The following CCDC157 variants were observed in gnomAD, a reference collection of about 807,000 sequenced individuals.
CCDC157 encodes coiled-coil domain containing 157.
In CCDC157, 60 loss-of-function variants were observed where a neutral mutation model predicts 70.9. The observed-to-expected ratio is 0.85, with a 90% CI of 0.69 to 1.05. CCDC157 has a LOEUF of 1.05. Ranked by LOEUF, CCDC157 falls within the 50% of genes least tolerant of loss-of-function variation. The pLI is 0.00. For synonymous variants in CCDC157, 373 were observed against 422.4 expected (o/e 0.88, Z 1.43); for missense variants, 943 against 984.2 (o/e 0.96, Z 0.56).
At chr22:30,375,032 C>T (rs1428670962) in intron 9 of CCDC157, 1 of 321,562 alleles carries the variant, frequency 3.1e-6, no homozygotes, top group Non-Finnish European at 6.0e-6. Flanking sequence ...AATCTCTGCT[C>T]ACTGCAACCT....
In CCDC157 at chr22:30,365,910, G is replaced by A. The variant is rs1932690147; in HGVS notation, c.-11-80G>A. 3.0e-6 allele frequency: 4 copies of A among 1,344,904 alleles called. No individual in the cohort carries two copies. In the South Asian group the frequency reaches 4.1e-5, roughly 14 times the overall value. 83.3% of individuals were successfully genotyped at this position (1,344,904 alleles called of 1,614,324 possible). A position where few individuals can be genotyped will look rare whatever the true frequency, so the allele number is the denominator to read the frequency against. On this transcript the variant is annotated intron_variant, in intron 2 of 11. Transcript: ENST00000338306. Reference sequence around the variant, plus strand: ...GAACTTCCGGCCTAGCAGCTCCTGGGCAGATGAGGGTTTCAGGGAGTTTCC... The same window carrying A: ...GAACTTCCGGCCTAGCAGCTCCTGGACAGATGAGGGTTTCAGGGAGTTTCC...
chr22:30,363,265 G>A (rs189361513), intron 2 of CCDC157, among the ~76,000 whole-genome samples: 51 of 152,302 alleles, frequency 3.3e-4, no homozygotes, highest in Admixed American at 2.7e-3. Flanking sequence ...GTCCACAGGC[G>A]GCAGAAGATG....
At chr22:30,356,685 C>T (rs759503027), upstream of CCDC157, 16 of 1,400,760 alleles carry the variant, frequency 1.1e-5, no homozygotes, top group African/African-American at 4.5e-5. Flanking sequence ...AAGGAGCGCC[C>T]AGGCCAACCC....
rs1035150034 is a variant in CCDC157 at position 30,373,391 on chromosome 22, G to C, written c.1336-206G>C. On this transcript the variant is annotated intron_variant, in intron 7 of 11. Coordinates refer to ENST00000338306, the MANE Select transcript of CCDC157 (RefSeq NM_001017437.5). ...GTCTTCAAGCTGGGATCCTGGCCTT[G>C]ACCAGGTCCGGTGTGCATCTGCCTG... 16 of 589,012 alleles carry C rather than the reference G, an allele frequency of 2.7e-5. No individual in the cohort carries two copies. The Admixed American group carries it at 5.1e-4, about 19-fold the overall frequency. The allele number at this position is 589,012 out of a possible 1,614,324, so 36.5% of individuals were successfully genotyped here. A position where few individuals can be genotyped will look rare whatever the true frequency, so the allele number is the denominator to read the frequency against.
chr22:30,371,728 G>A lies in CCDC157; in HGVS notation c.1123+1G>A, dbSNP rs780105129. ...CAGCGGGAGTCCACACAGGCTGTGG[G>A]TAAGGAGCCCCATCATAGGCCCCCA... On this transcript the variant is annotated splice_donor_variant, in intron 6 of 11. Coordinates refer to ENST00000338306, the MANE Select transcript of CCDC157 (RefSeq NM_001017437.5). LOFTEE classifies it high-confidence loss of function. The A allele has an allele frequency of 6.2e-6, 10 of 1,613,026 alleles. No homozygotes were observed. The South Asian group carries it at 1.1e-4, about 18-fold the overall frequency.
rs747510793 is a variant in CCDC157 at position 30,369,427 on chromosome 22, C to G, written c.249-5C>G. On this transcript the variant is annotated splice_region_variant and splice_polypyrimidine_tract_variant and intron_variant, in intron 3 of 11. Transcript: ENST00000338306. ...GCCCCAGCAACCTAGCATCTCTGCC[C>G]GCAGGCTCCTGCTGCTGCTTCAAAG... 3 of 1,504,788 alleles carry G rather than the reference C, an allele frequency of 2.0e-6. No homozygotes were observed. Among genetic ancestry groups the G allele is most frequent in the Non-Finnish European group, 2.7e-6 (3 of 1,120,092 alleles). The allele number at this position is 1,504,788 out of a possible 1,614,324, so 93.2% of individuals were successfully genotyped here.
intron 2 of CCDC157, among the ~76,000 whole-genome samples, chr22:30,363,336 G>C (rs1932481885): frequency 6.6e-6 from 1 of 152,200 alleles, no homozygotes; most frequent in Admixed American, 6.5e-5. Flanking sequence ...CCAGGCCCCA[G>C]CACAAGACAA....
chr22:30,376,131 T>C lies in CCDC157; in HGVS notation c.1858-128T>C, dbSNP rs1341904272. ...TGGAAGGCTTCCTAGGCCCTGCCCC[T>C]AGGTGAAAGGGCCCATGGATATGCG... On this transcript the variant is annotated intron_variant, in intron 10 of 11. Coordinates refer to ENST00000338306, the MANE Select transcript of CCDC157 (RefSeq NM_001017437.5). 5.2e-6 allele frequency: 4 copies of C among 776,138 alleles called. No homozygotes were observed. In the East Asian group the frequency reaches 7.8e-5, roughly 15 times the overall value. The allele number at this position is 776,138 out of a possible 1,614,324, so 48.1% of individuals were successfully genotyped here. A position where few individuals can be genotyped will look rare whatever the true frequency, so the allele number is the denominator to read the frequency against.
upstream of CCDC157, chr22:30,356,797 G>A (rs1187959549): frequency 7.9e-6 from 11 of 1,398,264 alleles, no homozygotes; most frequent in Non-Finnish European, 1.0e-5. Context: ...CGGCATGACT[G>A]CGACGCTCAG....
chr22:30,376,750 T>C lies in CCDC157; in HGVS notation c.*5T>C. 6.2e-7 allele frequency: 1 copy of C among 1,609,162 alleles called. No homozygotes were observed. Among genetic ancestry groups the C allele is most frequent in the Non-Finnish European group, 8.5e-7 (1 of 1,177,202 alleles). The stretch of plus-strand genomic sequence containing the variant: ...CCCCAGGAGCGGCCCATGTAGCCTG[T>C]GGCCCAGGGCTGAGGCTGGATGGGA... On this transcript the variant is annotated 3_prime_UTR_variant, in exon 12 of 12. Transcript: ENST00000338306.
intron 9 of CCDC157, chr22:30,374,696 T>C (rs1465070419): frequency 2.2e-6 from 1 of 456,714 alleles, no homozygotes; most frequent in South Asian, 1.5e-5. Flanking sequence ...TCAACCACCT[T>C]GTGAGGCAGG....
At chr22:30,368,848 T>G (rs1240801147) in intron 3 of CCDC157, 1 of 152,278 alleles carries the variant, frequency 6.6e-6, no homozygotes, top group Non-Finnish European at 1.5e-5. Context: ...ATACTCCTTT[T>G]TCTTACAATT....
At position 30,362,062 on chromosome 22, in the gene CCDC157, A is replaced by G. The variant is rs897174359; in HGVS notation, c.-64A>G. 6.6e-6 allele frequency: 1 copy of G among 152,448 alleles called. No homozygotes were observed. The highest frequency in any genetic ancestry group is 6.5e-5 in the Admixed American group (1 of 15,286). The allele number at this position is 152,448 out of a possible 1,614,324, so 9.4% of individuals were successfully genotyped here. A position where few individuals can be genotyped will look rare whatever the true frequency, so the allele number is the denominator to read the frequency against. On this transcript the variant is annotated 5_prime_UTR_variant, in exon 2 of 12. Transcript: ENST00000338306. ...GCCCTGGAGCCCATAGGCTCGTCTG[A>G]GAACTAGACACACTCAGTCACTCCA... is the stretch of plus-strand genomic sequence containing the variant.
intron 9 of CCDC157, chr22:30,374,924 T>C (rs12166309): frequency 0.02 from 7,185 of 351,640 alleles, 524 homozygotes; most frequent in African/African-American, 0.14. Flanking sequence ...TGTCAGAGAT[T>C]CACTCTCCTC....
Position 30,369,433 on chromosome 22 carries a change from C to T in CCDC157, c.250C>T (p.Leu84Phe), listed in dbSNP as rs1263084191. ...GCAACCTAGCATCTCTGCCCGCAGG[C>T]TCCTGCTGCTGCTTCAAAGCTGTAT... ...AVLLELVIDR[L>F]LLLLQSCMSY... The change falls in exon 4 of 12, where the codon CTC becomes TTC. Residue 84 changes from leucine to phenylalanine, a missense_variant and splice_region_variant. By Grantham distance (22) the Leu-to-Phe change is conservative. Transcript: ENST00000338306. 2 of 1,517,368 alleles carry T rather than the reference C, an allele frequency of 1.3e-6. No individual in the cohort carries two copies. The highest frequency in any genetic ancestry group is 4.1e-5 in the Admixed American group (2 of 48,570). 94.0% of individuals were successfully genotyped at this position (1,517,368 alleles called of 1,614,324 possible).
chr22:30,372,134 G>A lies in CCDC157; in HGVS notation c.1183G>A (p.Val395Met). The change falls in exon 7 of 12, where the codon GTG becomes ATG. Residue 395 changes from valine (V) to methionine (M), a missense_variant. Val to Met is a conservative substitution (Grantham distance 21). Coordinates refer to ENST00000338306, the MANE Select transcript of CCDC157 (RefSeq NM_001017437.5). Reference protein sequence around the residue: ...GERRAAAERQVQQLEEQVQQL... With the variant: ...GERRAAAERQMQQLEEQVQQL... ...GCGCAGGGCGGCAGCGGAGAGGCAG[G>A]TGCAGCAGCTGGAGGAGCAGGTGCA... 6.4e-7 allele frequency: 1 copy of A among 1,557,542 alleles called. No individual in the cohort carries two copies.
chr22:30,363,686 T>C (rs1237343605), intron 2 of CCDC157, among the ~76,000 whole-genome samples: 17 of 80,118 alleles, frequency 2.1e-4, no homozygotes, highest in Admixed American at 1.7e-3. Flanking sequence ...TGTTTCTCTT[T>C]TTTTTTTTTT....
chr22:30,376,091 G>A (rs935295374), intron 10 of CCDC157, 168 bp from the exon 11 acceptor site: 3 of 620,768 alleles, frequency 4.8e-6, no homozygotes, highest in Admixed American at 5.9e-5. Flanking sequence ...AGGCTCTGCA[G>A]CTGAGAATAG....
rs1363600489 is a variant in CCDC157 at position 30,376,682 on chromosome 22, G to A, written c.2196G>A (p.Lys732=). Reference sequence around the variant, plus strand: ...TCAAGGTCTTGGTCAGGCTGAGAAAGAGACTGTCACCTGGCCGGGGACAGG... The same window carrying A: ...TCAAGGTCTTGGTCAGGCTGAGAAAAAGACTGTCACCTGGCCGGGGACAGG... ...NPIKVLVRLR[K]RLSPGRGQAS... The change falls in exon 12 of 12, where the codon AAG becomes AAA. Residue 732 remains lysine (K), a synonymous_variant. Coordinates refer to ENST00000338306, the MANE Select transcript of CCDC157 (RefSeq NM_001017437.5). The A allele has an allele frequency of 6.2e-7, 1 of 1,613,638 alleles. No individual in the cohort carries two copies. The highest frequency in any genetic ancestry group is 1.7e-5 in the Admixed American group (1 of 60,028).
Sources: allele counts gnomAD v4.1 joint callset (sites outside exome capture counted in the v4.1 genomes callset), GRCh38; gene constraint gnomAD v4.1.1; transcripts MANE v1.5; gene names NCBI Gene and HGNC (gene_info 2026-07-23, HGNC 2026-07-21).